Variants in CA10 observed in about 807,000 individuals in gnomAD.
CA10 encodes the protein carbonic anhydrase 10 (inactive), also known as carbonic anhydrase-related protein 10.
CA10 carries 14 observed loss-of-function variants against 44.2 expected under a neutral mutation model. The ratio of observed to expected loss-of-function variants is 0.32; its 90% CI spans 0.21 to 0.50. The LOEUF is 0.50. Among genes scored for constraint, CA10 ranks in the 20% least tolerant of loss-of-function variants. CA10 has a pLI of 0.99. For missense variants in CA10, 350 were observed against 409.7 expected, an observed-to-expected ratio of 0.85 and a Z score of 1.26; for synonymous variants, 159 against 141.6, an observed-to-expected ratio of 1.12 and a Z score of -0.87.
At chr17:51,888,447 T>C (rs939048709) in intron 3 of CA10, among the ~76,000 whole-genome samples, 12 of 152,220 alleles carry the variant, frequency 7.9e-5, no homozygotes, top group African/African-American at 2.9e-4. Flanking sequence ...TTACTTTCTA[T>C]AGCTGAGAAT....
rs536336416 is a variant in CA10 at position 51,698,812 on chromosome 17, G to A, written c.466-45076C>T. Among the ~76,000 whole-genome samples the A allele has an allele frequency of 7.0e-4, 107 of 152,244 alleles. 1 individual carries two copies. Among genetic ancestry groups the A allele is most frequent in the Non-Finnish European group, 1.0e-3 (69 of 68,030 alleles). The stretch of plus-strand genomic sequence containing the variant: ...ATATATAAGACATCACATAGTATTT[G>A]CTTTTCTGTGCCTGGCTTATATCAC... On this transcript the variant is annotated intron_variant, in intron 4 of 8. Coordinates refer to ENST00000451037, the MANE Select transcript of CA10 (RefSeq NM_020178.5).
chr17:51,726,422 G>T (rs1226111713), intron 4 of CA10, among the ~76,000 whole-genome samples: 1 of 152,142 alleles, frequency 6.6e-6, no homozygotes, highest in Non-Finnish European at 1.5e-5. Context: ...CAAAGTTGCT[G>T]AGCGAGTAGA....
At chr17:51,812,576 G>A (rs1444942503) in intron 3 of CA10, among the ~76,000 whole-genome samples, 1 of 152,144 alleles carries the variant, frequency 6.6e-6, no homozygotes, top group Non-Finnish European at 1.5e-5. Flanking sequence ...GATATTGAGA[G>A]CAAAGCTGGA....
intron 2 of CA10, among the ~76,000 whole-genome samples, chr17:52,060,976 A>G (rs886554077): frequency 6.6e-6 from 1 of 152,194 alleles, no homozygotes; most frequent in African/African-American, 2.4e-5. Flanking sequence ...TGAGTAAACC[A>G]GTACTGACAA....
rs578049969 is a variant in CA10, at chr17:51,647,716, GCTT to G, written c.634+1463_634+1465del. Among the ~76,000 whole-genome samples the G allele has an allele frequency of 9.9e-4, 151 of 152,258 alleles. 1 individual carries two copies. Among genetic ancestry groups the G allele is most frequent in the African/African-American group, 3.4e-3 (140 of 41,558 alleles). On this transcript the variant is annotated intron_variant, in intron 6 of 8. Coordinates refer to ENST00000451037, the MANE Select transcript of CA10 (RefSeq NM_020178.5). ...TGAAAACATTTTATTTAATTTTCAT[GCTT>G]TTTTCATCAAAAAAGTTAAAAGAAT...
chr17:52,144,104 A>C (rs1328970178), intron 1 of CA10, among the ~76,000 whole-genome samples: 1 of 152,206 alleles, frequency 6.6e-6, no homozygotes, highest in Non-Finnish European at 1.5e-5. Context: ...TTTCATGTTG[A>C]GAATAGGTTG....
At chr17:51,644,559 A>C (rs1234793206) in intron 6 of CA10, among the ~76,000 whole-genome samples, 4 of 152,074 alleles carry the variant, frequency 2.6e-5, no homozygotes, top group African/African-American at 4.8e-5. Flanking sequence ...TCATATATCC[A>C]ACTGCCTACT....
At chr17:52,073,403 A>T (rs1287511206) in intron 1 of CA10, among the ~76,000 whole-genome samples, 1 of 152,144 alleles carries the variant, frequency 6.6e-6, no homozygotes, top group Non-Finnish European at 1.5e-5. Flanking sequence ...GTTTAGCTTC[A>T]AGTCTCTTCT....
chr17:52,106,249 CG>C (rs1988660070), intron 1 of CA10, among the ~76,000 whole-genome samples: 1 of 152,198 alleles, frequency 6.6e-6, no homozygotes. Flanking sequence ...TTCCTGACCA[CG>C]GGGCCATTCA....
At chr17:52,019,173 T>A (rs976818991) in intron 2 of CA10, among the ~76,000 whole-genome samples, 1 of 152,066 alleles carries the variant, frequency 6.6e-6, no homozygotes, top group Non-Finnish European at 1.5e-5. Context: ...TGTTCCTTTA[T>A]AGCAGCACAA....
At chr17:51,920,735 G>C (rs1348765635) in intron 3 of CA10, among the ~76,000 whole-genome samples, 1 of 152,158 alleles carries the variant, frequency 6.6e-6, no homozygotes, top group African/African-American at 2.4e-5. Flanking sequence ...ACCCACAACA[G>C]AATGCTTCTG....
At chr17:51,860,003 C>T (rs1979231758) in intron 3 of CA10, among the ~76,000 whole-genome samples, 1 of 152,114 alleles carries the variant, frequency 6.6e-6, no homozygotes, top group East Asian at 1.9e-4. Context: ...TGCCAGGCTA[C>T]AGGGATGCAG....
At chr17:51,707,671 A>ATGTGTGTGTGTGTGTGTGTGTGTG (rs3031847) in intron 4 of CA10, among the ~76,000 whole-genome samples, 42 of 143,004 alleles carry the variant, frequency 2.9e-4, no homozygotes, top group East Asian at 1.3e-3. Flanking sequence ...GTGGATGAAT[A>ATGTGTGTGTGTGTGTGTGTGTGTG]TGTGTGTGTG....
chr17:51,850,614 C>T (rs1169201797), intron 3 of CA10, among the ~76,000 whole-genome samples: 3 of 152,120 alleles, frequency 2.0e-5, no homozygotes, highest in Non-Finnish European at 2.9e-5. Flanking sequence ...ATGGGAGGAC[C>T]GACAGGCAAG....
chr17:51,795,515 G>T (rs942726156), intron 3 of CA10, among the ~76,000 whole-genome samples: 2 of 152,218 alleles, frequency 1.3e-5, no homozygotes, highest in African/African-American at 2.4e-5. Flanking sequence ...AAAGGAAAAA[G>T]TATTTGCCAC....
At chr17:51,767,306 C>T (rs1311547353) in intron 3 of CA10, among the ~76,000 whole-genome samples, 9 of 152,152 alleles carry the variant, frequency 5.9e-5, no homozygotes, top group Admixed American at 3.9e-4. Flanking sequence ...ATTTTTAGTA[C>T]TCATCCTCAG....
intron 4 of CA10, among the ~76,000 whole-genome samples, chr17:51,734,393 C>G (rs1405852454): frequency 6.6e-6 from 1 of 152,146 alleles, no homozygotes; most frequent in Non-Finnish European, 1.5e-5. Context: ...GATTAAGTGG[C>G]TTGCCAAAGG....
intron 2 of CA10, among the ~76,000 whole-genome samples, chr17:51,961,353 A>C (rs1194578579): frequency 1.3e-5 from 2 of 152,188 alleles, no homozygotes; most frequent in Non-Finnish European, 2.9e-5. Context: ...CTGAATTATA[A>C]GTGAAAAATT....
chr17:52,038,962 G>T (rs532712925), intron 2 of CA10, among the ~76,000 whole-genome samples: 5 of 152,192 alleles, frequency 3.3e-5, no homozygotes, highest in East Asian at 3.9e-4. Context: ...GGGTCAGAAG[G>T]CCTGTTATTT....
Sources: allele counts gnomAD v4.1 joint callset (sites outside exome capture counted in the v4.1 genomes callset), GRCh38; gene constraint gnomAD v4.1.1; transcripts MANE v1.5; gene names NCBI Gene and HGNC (gene_info 2026-07-23, HGNC 2026-07-21).